The following PDE2A variants were observed in gnomAD, a reference collection of about 807,000 sequenced individuals.
The protein encoded by PDE2A is cGMP-dependent 3',5'-cyclic phosphodiesterase.
PDE2A carries 53 observed loss-of-function variants against 133.6 expected under a neutral mutation model. That is an observed-to-expected ratio of 0.40 (90% confidence interval 0.32 to 0.50). PDE2A has a LOEUF of 0.50. Ranked by LOEUF, PDE2A falls within the 20% of genes least tolerant of loss-of-function variation. The pLI, the probability that PDE2A is intolerant of heterozygous loss-of-function variation, is 0.73. For synonymous variants in PDE2A, 491 were observed against 490.2 expected, an observed-to-expected ratio of 1.00 and a Z score of -0.02; for missense variants, 796 against 1,232.4, an observed-to-expected ratio of 0.65 and a Z score of 5.30.
rs1474903494 is a variant in PDE2A, at chr11:72,642,304, T to G, written c.94A>C (p.Lys32Gln). The change falls in exon 2 of 31, where the codon AAG (lysine) becomes CAG (glutamine). Residue 32 changes from lysine to glutamine, a missense_variant. By Grantham distance (53) the Lys-to-Gln change is moderately conservative. Transcript: ENST00000334456. Reference protein sequence around the residue: ...AEPRGQQVFLKPDEPPPPPQP... With the variant: ...AEPRGQQVFLQPDEPPPPPQP... ...GGCGGCGGCGGCGGCTCGTCCGGCT[T>G]GAGGAAGACCTGCTGGCCCCGCCTG... The G allele has an allele frequency of 6.5e-7, 1 of 1,534,894 alleles. No homozygotes were observed.
Position 72,596,663 on chromosome 11 carries a change from G to A in PDE2A, c.434-15C>T. 7.0e-7 allele frequency: 1 copy of A among 1,422,866 alleles called. No individual in the cohort carries two copies. The highest frequency in any genetic ancestry group is 9.3e-7 in the Non-Finnish European group (1 of 1,076,160). The allele number at this position is 1,422,866 out of a possible 1,614,324, so 88.1% of individuals were successfully genotyped here. On this transcript the variant is annotated splice_polypyrimidine_tract_variant and intron_variant, in intron 5 of 30. Transcript: ENST00000334456. ...CATGACCAGCACTGAGGGGGAGAGGGCAATGAGGTGCTCCTGCAGGGCTGG... is the reference window on the plus strand; with the variant it reads ...CATGACCAGCACTGAGGGGGAGAGGACAATGAGGTGCTCCTGCAGGGCTGG...
Position 72,576,877 on chromosome 11 carries a change from A to AG in PDE2A, c.*506dup, listed in dbSNP as rs34999278. On this transcript the variant is annotated 3_prime_UTR_variant, in exon 31 of 31. Transcript: ENST00000334456. Reference sequence around the variant, plus strand: ...CACCATCAGTATAGTAGTGGTCCTCAGGGGGCCTTCGCCCCGCGGCTGTTT... The same window carrying AG: ...CACCATCAGTATAGTAGTGGTCCTCAGGGGGGCCTTCGCCCCGCGGCTGTTT... The AG allele has an allele frequency of 5.5e-4, 97 of 176,236 alleles. No homozygotes were observed. Among genetic ancestry groups the AG allele is most frequent in the African/African-American group, 2.1e-3 (89 of 41,794 alleles). 10.9% of individuals were successfully genotyped at this position (176,236 alleles called of 1,614,324 possible).
At chr11:72,581,004 G>T in intron 23 of PDE2A, 31 bp from the exon 24 acceptor site, 1 of 1,465,864 alleles carries the variant, frequency 6.8e-7, no homozygotes, top group East Asian at 2.3e-5. Context: ...AGAAAAAAAA[G>T]AGGTCAGCCC....
At chr11:72,580,844 ACCCCATGGAGGGTCC>A in intron 24 of PDE2A, 27 bp downstream of exon 24, 1 of 1,243,004 alleles carries the variant, frequency 8.0e-7, no homozygotes, top group Non-Finnish European at 1.2e-6. Flanking sequence ...ACTCCCAGAC[ACCCCATGGAGGGTCC>A]CCACTGTGAG....
intron 1 of PDE2A, among the ~76,000 whole-genome samples, chr11:72,663,395 G>A (rs188774959): frequency 7.2e-4 from 110 of 152,298 alleles, no homozygotes; most frequent in African/African-American, 2.1e-3. Context: ...TAGATAATGC[G>A]CATATGAGTC....
chr11:72,585,990 G>A (rs772856224), intron 14 of PDE2A, 80 bp downstream of exon 14: 20 of 827,252 alleles, frequency 2.4e-5, no homozygotes, highest in Non-Finnish European at 3.9e-5. Flanking sequence ...AAAGACATGG[G>A]CATTTCCCTT....
chr11:72,636,990 C>T (rs1014297282), intron 2 of PDE2A, among the ~76,000 whole-genome samples: 2 of 152,218 alleles, frequency 1.3e-5, no homozygotes, highest in African/African-American at 4.8e-5. Context: ...CGGACCCAGC[C>T]GGCTGGCACC....
chr11:72,599,406 T>C (rs907222520), intron 4 of PDE2A, among the ~76,000 whole-genome samples: 1 of 151,928 alleles, frequency 6.6e-6, no homozygotes, highest in African/African-American at 2.4e-5. Flanking sequence ...TCTGAATTAT[T>C]ATCTCCACTC....
At chr11:72,633,966 T>G (rs1858550912) in intron 2 of PDE2A, among the ~76,000 whole-genome samples, 1 of 152,176 alleles carries the variant, frequency 6.6e-6, no homozygotes, top group South Asian at 2.1e-4. Context: ...CAGCCTACTG[T>G]GCAGCTTTGG....
At position 72,650,332 on chromosome 11, in the gene PDE2A, A is replaced by G. The variant is rs163608; in HGVS notation, c.72-8006T>C. On this transcript the variant is annotated intron_variant, in intron 1 of 30. Transcript: ENST00000334456. ...GCCACCGCGTGTAGCCAACCCCAAG[A>G]AACTCTTCAGCAACCTCCACTGAGC... is the stretch of plus-strand genomic sequence containing the variant. Among the ~76,000 whole-genome samples, 1,361 of 151,964 alleles carry G rather than the reference A, an allele frequency of 9.0e-3. 24 individuals carry two copies. The highest frequency in any genetic ancestry group is 0.031 in the African/African-American group (1,295 of 41,400).
intron 6 of PDE2A, among the ~76,000 whole-genome samples, chr11:72,594,074 T>G (rs982166131): frequency 2.0e-5 from 3 of 152,248 alleles, no homozygotes; most frequent in African/African-American, 7.2e-5. Context: ...CCATATGGTC[T>G]GTGAAGGCAG....
intron 1 of PDE2A, among the ~76,000 whole-genome samples, chr11:72,663,343 G>T (rs528263322): frequency 3.3e-5 from 5 of 152,360 alleles, no homozygotes; most frequent in African/African-American, 9.6e-5. Flanking sequence ...CCCAGATACA[G>T]AGCGCGGTGA....
chr11:72,642,420 G>T, intron 1 of PDE2A, 94 bp from the exon 2 acceptor site: 1 of 1,245,294 alleles, frequency 8.0e-7, no homozygotes, highest in African/African-American at 1.6e-5. Context: ...CGCTGCGCTC[G>T]GTCAGCGCGT....
chr11:72,582,406 C>G (rs1330381248), intron 21 of PDE2A, 38 bp downstream of exon 21: 3 of 1,602,972 alleles, frequency 1.9e-6, no homozygotes, highest in Non-Finnish European at 2.6e-6. Context: ...GGCTACATAC[C>G]TTCGGCCTGG....
At chr11:72,638,291 A>C (rs1248183703) in intron 2 of PDE2A, among the ~76,000 whole-genome samples, 4 of 152,208 alleles carry the variant, frequency 2.6e-5, no homozygotes, top group African/African-American at 9.7e-5. Flanking sequence ...CCCTCATCCG[A>C]TGGACCCCAG....
In PDE2A at chr11:72,602,414, T is replaced by TG. The variant is rs1357710724; in HGVS notation, c.323+2723dup. The stretch of plus-strand genomic sequence containing the variant: ...TATGATCCAGCCTCCACGCCACACC[T>TG]GCTGCTGTTTGCCCACAGTCCAGGG... On this transcript the variant is annotated intron_variant, in intron 4 of 30. Coordinates refer to ENST00000334456, the MANE Select transcript of PDE2A (RefSeq NM_002599.5). Among the ~76,000 whole-genome samples, 5 of 152,254 alleles carry TG rather than the reference T, an allele frequency of 3.3e-5. No individual in the cohort carries two copies. In the South Asian group the frequency reaches 8.3e-4, roughly 25 times the overall value.
chr11:72,618,092 A>G (rs1857565749), intron 2 of PDE2A, among the ~76,000 whole-genome samples: 1 of 151,840 alleles, frequency 6.6e-6, no homozygotes, highest in African/African-American at 2.4e-5. Context: ...TCCTGGGAAC[A>G]CCCCCTCCCC....
At chr11:72,673,758 C>T (rs1403307180) in intron 1 of PDE2A, among the ~76,000 whole-genome samples, 1 of 152,018 alleles carries the variant, frequency 6.6e-6, no homozygotes, top group Non-Finnish European at 1.5e-5. Context: ...TCTCCGGGTC[C>T]TGAACCAGCC....
intron 4 of PDE2A, among the ~76,000 whole-genome samples, chr11:72,600,434 G>GC (rs1856688298): frequency 6.6e-6 from 1 of 152,114 alleles, no homozygotes; most frequent in Non-Finnish European, 1.5e-5. Flanking sequence ...TCTGCAGCCT[G>GC]CCCTCCCCCG....
Sources: gnomAD v4.1 joint callset for allele counts (sites outside exome capture counted in the v4.1 genomes callset) on GRCh38, gnomAD v4.1.1 for gene constraint, MANE v1.5 for transcripts, NCBI Gene and HGNC (gene_info 2026-07-23, HGNC 2026-07-21) for gene names.